ITFG2: variants seen among roughly 807,000 people sequenced by gnomAD.
ITFG2 encodes the protein integrin alpha FG-GAP repeat containing 2.
ITFG2 carries 36 observed loss-of-function variants against 54.4 expected under a neutral mutation model. The ratio of observed to expected loss-of-function variants is 0.66; its 90% CI spans 0.51 to 0.87. The LOEUF is 0.87. Ranked by LOEUF, ITFG2 falls within the 40% of genes least tolerant of loss-of-function variation. ITFG2 has a pLI of 0.00. For synonymous variants in ITFG2, 211 were observed against 225.4 expected (o/e 0.94, Z 0.57); for missense variants, 524 against 576.7 (o/e 0.91, Z 0.94).
chr12:2,814,583 A>G (rs1028212689), intron 1 of ITFG2, among the ~76,000 whole-genome samples: 2 of 152,166 alleles, frequency 1.3e-5, no homozygotes, highest in Admixed American at 6.5e-5. Flanking sequence ...TAATCTCAGC[A>G]CTTTGGGAAG....
At chr12:2,817,865 G>A in intron 2 of ITFG2, 44 bp from the exon 3 acceptor site, 1 of 1,582,722 alleles carries the variant, frequency 6.3e-7, no homozygotes, top group Non-Finnish European at 8.6e-7. Flanking sequence ...AGGGAGTACT[G>A]GTCTCCCTTA....
rs565413873 is a variant in ITFG2, at chr12:2,818,218, G to A, written c.347G>A (p.Arg116His). The change falls in exon 4 of 12, where the codon CGT (arginine) becomes CAT (histidine). Residue 116 changes from arginine to histidine, a missense_variant. Physicochemically the swap from Arg to His is conservative, Grantham distance 29 (BLOSUM62 0). Transcript: ENST00000228799. ...GAGACACTAATCGGAGAGGAGCAGCGTCCAGTCTTCAAGCAGCACATCCCT... is the reference window on the plus strand; with the variant it reads ...GAGACACTAATCGGAGAGGAGCAGCATCCAGTCTTCAAGCAGCACATCCCT... Reference protein sequence around the residue: ...HHETLIGEEQRPVFKQHIPAN... With the variant: ...HHETLIGEEQHPVFKQHIPAN... 2.7e-5 allele frequency: 44 copies of A among 1,613,956 alleles called. No homozygotes were observed. The highest frequency in any genetic ancestry group is 3.3e-4 in the Middle Eastern group (2 of 6,062).
At chr12:2,849,400 T>C in intron 2 of ITFG2, 1 of 1,536,190 alleles carries the variant, frequency 6.5e-7, no homozygotes, top group Non-Finnish European at 8.7e-7. Flanking sequence ...CTTTAGCACC[T>C]TCTCCTGGTA....
At chr12:2,847,385 G>T (rs113627947) in intron 2 of ITFG2, among the ~76,000 whole-genome samples, 8 of 152,102 alleles carry the variant, frequency 5.3e-5, no homozygotes, top group Non-Finnish European at 1.0e-4. Flanking sequence ...CCGGCCAGAC[G>T]CGGTGGCTCA....
At chr12:2,817,681 T>C in intron 2 of ITFG2, 1 of 519,470 alleles carries the variant, frequency 1.9e-6, no homozygotes. Flanking sequence ...CTATTTTATT[T>C]TAAGTGCAGG....
intron 1 of ITFG2, among the ~76,000 whole-genome samples, chr12:2,839,427 G>A (rs1014740318): frequency 1.4e-4 from 22 of 152,242 alleles, no homozygotes; most frequent in African/African-American, 4.8e-4. Flanking sequence ...AGAAGTGAGC[G>A]TATTCTCGTC....
intron 2 of ITFG2, among the ~76,000 whole-genome samples, chr12:2,851,980 A>G (rs1427600499): frequency 6.6e-6 from 1 of 152,228 alleles, no homozygotes; most frequent in African/African-American, 2.4e-5. Flanking sequence ...TTCCCGGTCC[A>G]CTAAATTTAT....
chr12:2,824,166 T>C lies in ITFG2; in HGVS notation c.1317T>C (p.Ala439=), dbSNP rs200978514. 3 of 1,614,152 alleles carry C rather than the reference T, an allele frequency of 1.9e-6. No homozygotes were observed. Among genetic ancestry groups the C allele is most frequent in the Non-Finnish European group, 2.5e-6 (3 of 1,180,030 alleles). ...LYHPDQPPQC[A]PSSLQDPT ...ATCCAGACCAGCCACCACAGTGTGC[T>C]CCCTCAAGCCTCCAGGATCCCACCT... Residue 439 remains alanine (A), a synonymous_variant, in exon 12 of 12, where the codon GCT becomes GCC. Coordinates refer to ENST00000228799, the MANE Select transcript of ITFG2 (RefSeq NM_018463.4).
upstream of ITFG2, chr12:2,834,832 A>C: frequency 6.2e-7 from 1 of 1,613,020 alleles, no homozygotes; most frequent in Non-Finnish European, 8.5e-7. Flanking sequence ...CTTGGTGCTC[A>C]TGGCCCCTGC....
At chr12:2,834,662 G>C (rs769426644), upstream of ITFG2, 23 of 1,602,380 alleles carry the variant, frequency 1.4e-5, no homozygotes, top group Non-Finnish European at 1.9e-5. Flanking sequence ...GAGGTGCCGA[G>C]CCTCTTGAGG....
At chr12:2,838,075 C>T (rs1305305193) in intron 1 of ITFG2, among the ~76,000 whole-genome samples, 8 of 152,182 alleles carry the variant, frequency 5.3e-5, no homozygotes, top group Non-Finnish European at 1.2e-4. Flanking sequence ...TTCTAGCTCC[C>T]TCCCATGTCT....
chr12:2,816,423 G>A (rs34728283), intron 1 of ITFG2, among the ~76,000 whole-genome samples: 9,195 of 147,902 alleles, frequency 0.062, 378 homozygotes, highest in East Asian at 0.2. Context: ...TCTGCCTCCC[G>A]GGTTCACACC....
intron 3 of ITFG2, chr12:2,858,603 G>C: frequency 6.3e-7 from 1 of 1,586,470 alleles, no homozygotes; most frequent in Non-Finnish European, 8.6e-7. Context: ...GCCCGGGATG[G>C]TGGACAGCTT....
downstream of ITFG2, chr12:2,827,478 G>A: frequency 2.6e-6 from 4 of 1,534,206 alleles, no homozygotes; most frequent in Middle Eastern, 4.2e-4. This position sits in a 1 kb window ranked among gnomAD's most constrained non-coding sequence, Gnocchi z 4.0. Flanking sequence ...TTTTTCACTT[G>A]GTGGTAAGTA....
Position 2,821,612 on chromosome 12 carries a change from A to ATGGGGTG in ITFG2, c.847+22_847+28dup. 1 of 1,614,056 alleles carries ATGGGGTG rather than the reference A, an allele frequency of 6.2e-7. No individual in the cohort carries two copies. The highest frequency in any genetic ancestry group is 8.5e-7 in the Non-Finnish European group (1 of 1,179,992). ...ACCCTGGATGGTGAGCAATGCTAGG[A>ATGGGGTG]TGGGGTGTGGGGGCTGTATGCCTGT... is the stretch of plus-strand genomic sequence containing the variant. On this transcript the variant is annotated intron_variant, in intron 8 of 11. Transcript: ENST00000228799.
downstream of ITFG2, chr12:2,827,703 G>A (rs771899296): frequency 6.2e-7 from 1 of 1,613,752 alleles, no homozygotes; most frequent in Non-Finnish European, 8.5e-7. The surrounding 1 kb of genome is among the most constrained non-coding windows in gnomAD (Gnocchi z 4.0). Context: ...GAAAACAGAA[G>A]AGGCTGAGGG....
intron 1 of ITFG2, among the ~76,000 whole-genome samples, chr12:2,815,171 A>G (rs749313097): frequency 4.6e-5 from 7 of 152,088 alleles, no homozygotes; most frequent in Non-Finnish European, 7.4e-5. Flanking sequence ...ATAAATTCCA[A>G]TTTGTTTCTA....
chr12:2,857,276 A>C, intron 2 of ITFG2: 2 of 544,640 alleles, frequency 3.7e-6, no homozygotes, highest in South Asian at 4.2e-5. Flanking sequence ...CGGGCAGAAG[A>C]AAAGCAGGGC....
intron 3 of ITFG2, chr12:2,858,613 T>G (rs755669537): frequency 1.2e-6 from 2 of 1,600,894 alleles, no homozygotes; most frequent in Non-Finnish European, 8.5e-7. Flanking sequence ...GTGGACAGCT[T>G]GAGCACAGGG....
Sources: gnomAD v4.1 joint callset for allele counts (sites outside exome capture counted in the v4.1 genomes callset) on GRCh38, gnomAD v4.1.1 for gene constraint, Gnocchi (gnomAD v3.1) non-coding constraint, MANE v1.5 for transcripts, NCBI Gene and HGNC (gene_info 2026-07-23, HGNC 2026-07-21) for gene names.